The following UPRT variants were observed in gnomAD, a reference collection of about 807,000 sequenced individuals.
UPRT encodes uracil phosphoribosyltransferase homolog.
UPRT carries 5 observed loss-of-function variants against 22.6 expected under a neutral mutation model. The ratio of observed to expected loss-of-function variants is 0.22; its 90% CI spans 0.12 to 0.47. The LOEUF is 0.47. Among genes scored for constraint, UPRT ranks in the 20% least tolerant of loss-of-function variants. UPRT has a pLI of 0.99. For missense variants in UPRT, 181 were observed against 239.9 expected (o/e 0.75, Z 1.62); for synonymous variants, 77 against 87.7 (o/e 0.88, Z 0.68).
intron 4 of UPRT, among the ~76,000 whole-genome samples, chrX:75,261,088 G>A (rs780791280): frequency 1.8e-5 from 2 of 111,594 alleles, no homozygotes; most frequent in South Asian, 7.5e-4. Context: ...AGAATCTCTG[G>A]GACACATTTA....
intron 2 of UPRT, among the ~76,000 whole-genome samples, chrX:75,295,312 A>G (rs1057440009): frequency 1.8e-5 from 2 of 110,657 alleles, no homozygotes; most frequent in Non-Finnish European, 3.8e-5. Context: ...GGATGGGGAT[A>G]GGAGGTAAGA....
intron 4 of UPRT, among the ~76,000 whole-genome samples, chrX:75,246,424 G>T (rs895386193): frequency 9.1e-6 from 1 of 110,046 alleles, no homozygotes; most frequent in African/African-American, 3.3e-5. Context: ...TCCCTACAAA[G>T]GACATGAACT....
chrX:75,292,086 A>G (rs755889150), intron 1 of UPRT, among the ~76,000 whole-genome samples: 2 of 112,071 alleles, frequency 1.8e-5, no homozygotes, highest in Non-Finnish European at 3.8e-5. Flanking sequence ...CCTATAATAT[A>G]TAACACCGCA....
chrX:75,239,935 G>T (rs2082483088), intron 4 of UPRT, among the ~76,000 whole-genome samples: 1 of 111,183 alleles, frequency 9.0e-6, no homozygotes. Flanking sequence ...TGGCATAAAA[G>T]GGACATACCT....
At chrX:75,210,354 G>T (rs1373562529) in intron 4 of UPRT, among the ~76,000 whole-genome samples, 2 of 111,288 alleles carry the variant, frequency 1.8e-5, no homozygotes, top group African/African-American at 6.6e-5. Context: ...GCCAGGTAAG[G>T]TTATAAGATT....
At chrX:75,226,286 G>C (rs899776658) in intron 4 of UPRT, among the ~76,000 whole-genome samples, 10 of 111,354 alleles carry the variant, frequency 9.0e-5, no homozygotes, top group African/African-American at 2.9e-4. Flanking sequence ...TTGTAAACTT[G>C]TGCCTACCCT....
intron 1 of UPRT, among the ~76,000 whole-genome samples, chrX:75,159,990 G>C (rs2082194396): frequency 9.1e-6 from 1 of 109,544 alleles, no homozygotes; most frequent in Non-Finnish European, 1.9e-5. Context: ...GGATTGTCTT[G>C]ATCTCCTGAC....
At chrX:75,242,414 C>T (rs2082491152) in intron 4 of UPRT, among the ~76,000 whole-genome samples, 1 of 110,384 alleles carries the variant, frequency 9.1e-6, no homozygotes, top group Non-Finnish European at 1.9e-5. Context: ...CCCAGCTATA[C>T]AGTGCAATTT....
intron 1 of UPRT, among the ~76,000 whole-genome samples, chrX:75,281,339 T>A (rs2082655745): frequency 9.0e-6 from 1 of 111,713 alleles, no homozygotes; most frequent in Admixed American, 9.5e-5. Context: ...CTTGTCTTGT[T>A]CCAGTTCTTA....
chrX:75,268,088 C>A (rs2082596381), intron 4 of UPRT, among the ~76,000 whole-genome samples: 1 of 111,432 alleles, frequency 9.0e-6, no homozygotes, highest in South Asian at 3.7e-4. Context: ...CACAACTGGT[C>A]CCACAGAAAT....
upstream of UPRT, among the ~76,000 whole-genome samples, chrX:75,271,894 C>A (rs953308823): frequency 9.0e-6 from 1 of 111,339 alleles, no homozygotes; most frequent in Non-Finnish European, 1.9e-5. Flanking sequence ...TTAAAAAATG[C>A]TCAACATCAC....
intron 4 of UPRT, among the ~76,000 whole-genome samples, chrX:75,249,401 G>T (rs767423490): frequency 1.8e-5 from 2 of 111,566 alleles, no homozygotes; most frequent in Non-Finnish European, 3.8e-5. Context: ...AAAGTCAGTG[G>T]TTGCAATCCT....
At chrX:75,194,700 C>T (rs1453250490) in intron 4 of UPRT, among the ~76,000 whole-genome samples, 1 of 111,076 alleles carries the variant, frequency 9.0e-6, no homozygotes, top group Middle Eastern at 4.7e-3. Context: ...GGTGCCTGCT[C>T]AGAGTAGGGG....
chrX:75,233,121 G>A (rs2082445464), intron 4 of UPRT, among the ~76,000 whole-genome samples: 1 of 111,625 alleles, frequency 9.0e-6, no homozygotes, highest in South Asian at 3.8e-4. Flanking sequence ...ACCAAGGCTG[G>A]ACAACTACGT....
Position 75,164,221 on chromosome X carries a change from G to C in UPRT, c.-521+996G>C, listed in dbSNP as rs139391795. Among the ~76,000 whole-genome samples the C allele has an allele frequency of 6.5e-3, 726 of 111,655 alleles. 10 individuals are homozygous for C. Among genetic ancestry groups the C allele is most frequent in the African/African-American group, 0.022 (686 of 30,737 alleles). ...ATAAATAAAGGGCTTGAGGTTGTGA[G>C]TTTGATCTCTAACATGCACACGCAT... On this transcript the variant is annotated intron_variant, in intron 3 of 13. Coordinates refer to the UPRT transcript ENST00000652605.
chrX:75,245,342 G>A (rs2082501404), intron 4 of UPRT, among the ~76,000 whole-genome samples: 1 of 110,916 alleles, frequency 9.0e-6, no homozygotes, highest in South Asian at 3.8e-4. Context: ...CACTGCGGGT[G>A]GAAATGTAAA....
intron 3 of UPRT, among the ~76,000 whole-genome samples, chrX:75,164,787 A>T (rs190656827): frequency 0.028 from 3,143 of 110,658 alleles, 116 homozygotes; most frequent in African/African-American, 0.099. Context: ...ATAAAACTTT[A>T]AAAAAAAATC....
chrX:75,248,910 T>C (rs1364430673), intron 4 of UPRT, among the ~76,000 whole-genome samples: 1 of 111,986 alleles, frequency 8.9e-6, no homozygotes, highest in African/African-American at 3.2e-5. Flanking sequence ...ATATTCAACA[T>C]TCTTAAAGAA....
chrX:75,219,542 A>T lies in UPRT; in HGVS notation c.-447+51663A>T, dbSNP rs769400413. ...CTTTACTCCAAACTATAATAAATAT[A>T]ATAAATAAATATAAGACTAAACAAT... On this transcript the variant is annotated intron_variant, in intron 4 of 13. Coordinates refer to the UPRT transcript ENST00000652605. 3.6e-5 allele frequency among the ~76,000 whole-genome samples: 4 copies of T among 111,724 alleles called. No homozygotes were observed. In the East Asian group the frequency reaches 1.1e-3, roughly 31 times the overall value.
Sources: gnomAD v4.1 joint callset for allele counts (sites outside exome capture counted in the v4.1 genomes callset) on GRCh38, gnomAD v4.1.1 for gene constraint, MANE v1.5 for transcripts, NCBI Gene and HGNC (gene_info 2026-07-23, HGNC 2026-07-21) for gene names.